PSD2: variants seen among roughly 807,000 people sequenced by gnomAD.
PSD2 encodes pleckstrin and Sec7 domain containing 2.
Under a neutral mutation model 69.8 loss-of-function variants are expected in PSD2, and 38 were observed. That is an observed-to-expected ratio of 0.54 (90% CI 0.42 to 0.71). The LOEUF (loss-of-function observed/expected upper bound fraction) is 0.71, where lower values mean the gene tolerates loss of function less well. PSD2 is among the 30% of genes least tolerant of loss of function. The probability of loss-of-function intolerance (pLI) is 0.00; values close to 1 mark genes in which losing one functional copy is unlikely to be tolerated. For synonymous variants in PSD2, 412 were observed against 423.0 expected (o/e 0.97, Z 0.32); for missense variants, 943 against 1,014.5 (o/e 0.93, Z 0.96).
At chr5:139,841,578 C>G (rs145702744) in intron 14 of PSD2, among the ~76,000 whole-genome samples, 1 of 152,160 alleles carries the variant, frequency 6.6e-6, no homozygotes, top group Admixed American at 6.5e-5. Context: ...TTTAACTTTT[C>G]GATAAACCAC....
rs371092289 is a variant in PSD2 at position 139,805,166 on chromosome 5, C to T, written c.-50-4225C>T. On this transcript the variant is annotated intron_variant, in intron 1 of 14. Coordinates refer to ENST00000274710, the MANE Select transcript of PSD2 (RefSeq NM_032289.4). ...TGCACCCATGCACTTGCCCCTGTGT[C>T]TTATAGAGCATGCTGGCCTCTGGAG... Among the ~76,000 whole-genome samples, 8 of 152,324 alleles carry T rather than the reference C, an allele frequency of 5.3e-5. No homozygotes were observed. In the East Asian group the frequency reaches 1.3e-3, roughly 26 times the overall value.
At chr5:139,779,322 G>A in the PSD2 span, among the ~76,000 whole-genome samples, 2 of 152,098 alleles carry the variant, frequency 1.3e-5, no homozygotes, top group African/African-American at 4.8e-5. Context: ...CAAAAAAGTT[G>A]AACAAATTTT....
At chr5:139,835,908 G>T (rs780783565) in intron 9 of PSD2, 142 bp downstream of exon 9, 6 of 769,344 alleles carry the variant, frequency 7.8e-6, no homozygotes, top group Non-Finnish European at 1.4e-5. Flanking sequence ...TCTAGCTGGC[G>T]CACACCTGGT....
intron 7 of PSD2, among the ~76,000 whole-genome samples, chr5:139,832,947 C>T (rs1447486127): frequency 6.6e-6 from 1 of 152,144 alleles, no homozygotes; most frequent in East Asian, 1.9e-4. Flanking sequence ...CTGTTTCTAC[C>T]TCTGAGTGTG....
chr5:139,794,250 T>C (rs1390797213), upstream of PSD2, among the ~76,000 whole-genome samples: 3 of 152,246 alleles, frequency 2.0e-5, no homozygotes, highest in South Asian at 2.1e-4. Context: ...AAGTGACTTA[T>C]GCTCTCCAAG....
chr5:139,751,365 A>G, the PSD2 span, among the ~76,000 whole-genome samples: 1 of 152,040 alleles, frequency 6.6e-6, no homozygotes, highest in African/African-American at 2.4e-5. Context: ...TTTGGCATCT[A>G]CTGTGTGCTG....
At chr5:139,796,655 C>G (rs1443065389) in intron 1 of PSD2, among the ~76,000 whole-genome samples, 1 of 152,216 alleles carries the variant, frequency 6.6e-6, no homozygotes, top group Non-Finnish European at 1.5e-5. Flanking sequence ...GGGGACAACC[C>G]TGCCCAGCGG....
At chr5:139,819,986 G>A (rs1406007971) in intron 5 of PSD2, among the ~76,000 whole-genome samples, 8 of 152,192 alleles carry the variant, frequency 5.3e-5, no homozygotes, top group Admixed American at 5.2e-4. Flanking sequence ...TGTACTGGTG[G>A]CCTTTGATCT....
chr5:139,824,847 C>T (rs1208259737), intron 7 of PSD2, among the ~76,000 whole-genome samples: 1 of 152,150 alleles, frequency 6.6e-6, no homozygotes, highest in Non-Finnish European at 1.5e-5. Context: ...CCTCCCACGT[C>T]ACTCATCAAG....
At chr5:139,748,180 A>G in the PSD2 span, among the ~76,000 whole-genome samples, 1 of 148,530 alleles carries the variant, frequency 6.7e-6, no homozygotes, top group African/African-American at 2.5e-5. Context: ...GCTGATTCAC[A>G]CTCCCCCGCC....
chr5:139,838,223 G>A (rs1244008865), intron 12 of PSD2, among the ~76,000 whole-genome samples: 1 of 152,206 alleles, frequency 6.6e-6, no homozygotes, highest in Non-Finnish European at 1.5e-5. Context: ...TTGCAAGGAG[G>A]CAGGCTAGTG....
chr5:139,757,954 T>C, the PSD2 span, among the ~76,000 whole-genome samples: 4 of 152,074 alleles, frequency 2.6e-5, no homozygotes, highest in African/African-American at 4.8e-5. Context: ...GGTGGGAGGA[T>C]AGATTAAGCC....
At position 139,813,674 on chromosome 5, in the gene PSD2, G is replaced by C. The variant is rs747011939; in HGVS notation, c.737G>C (p.Gly246Ala). ...CTGTCTCTCATGGCCATGCCCAATG[G>C]ATTCCATGAAGATGGCCCTCAGGGC... ...SRLSLMAMPN[G>A]FHEDGPQGPG... Residue 246 changes from glycine to alanine, a missense_variant, in exon 3 of 15, where the codon GGA becomes GCA. Physicochemically the swap from Gly to Ala is moderately conservative, Grantham distance 60. Around this residue, in one of 3 missense-constraint regions of PSD2, gnomAD observed 466 missense variants for 445.0 expected, o/e 1.05. Transcript: ENST00000274710. 1 of 1,613,930 alleles carries C rather than the reference G, an allele frequency of 6.2e-7. No homozygotes were observed. The highest frequency in any genetic ancestry group is 1.7e-5 in the Admixed American group (1 of 60,010).
chr5:139,814,204 G>A lies in PSD2; in HGVS notation c.856G>A (p.Asp286Asn). 6.2e-7 allele frequency: 1 copy of A among 1,613,822 alleles called. No individual in the cohort carries two copies. Among genetic ancestry groups the A allele is most frequent in the Non-Finnish European group, 8.5e-7 (1 of 1,179,884 alleles). ...PSLKDGLSDS[D>N]SELSSSEGLE... is the part of the protein sequence containing the mutation. Reference sequence around the variant, plus strand: ...CCTGAAGGATGGCCTGTCAGACTCAGACTCTGAGCTCAGCAGCTCGGAGGG... The same window carrying A: ...CCTGAAGGATGGCCTGTCAGACTCAAACTCTGAGCTCAGCAGCTCGGAGGG... The change falls in exon 4 of 15, where the codon GAC becomes AAC. Residue 286 changes from aspartate (D) to asparagine (N), a missense_variant. By Grantham distance (23) the Asp-to-Asn change is conservative. Transcript: ENST00000274710. This position sits in a 1 kb window ranked among gnomAD's most constrained non-coding sequence, Gnocchi z 4.4.
At chr5:139,827,160 A>T (rs1294410354) in intron 7 of PSD2, among the ~76,000 whole-genome samples, 1 of 152,220 alleles carries the variant, frequency 6.6e-6, no homozygotes, top group Non-Finnish European at 1.5e-5. Context: ...TTCCCCACCC[A>T]CACCTCATTG....
chr5:139,804,106 T>A (rs537264623), intron 1 of PSD2, among the ~76,000 whole-genome samples: 2 of 152,214 alleles, frequency 1.3e-5, no homozygotes, highest in Non-Finnish European at 2.9e-5. Context: ...CATGTTTGCA[T>A]TGATCATCTC....
chr5:139,787,370 C>G, the PSD2 span, among the ~76,000 whole-genome samples: 1,020 of 152,362 alleles, frequency 6.7e-3, 13 homozygotes, highest in African/African-American at 0.023. Flanking sequence ...GGCCTGGGCT[C>G]TGCCACTTAC....
At chr5:139,805,559 G>A (rs1759783465) in intron 1 of PSD2, among the ~76,000 whole-genome samples, 1 of 152,166 alleles carries the variant, frequency 6.6e-6, no homozygotes, top group South Asian at 2.1e-4. Flanking sequence ...CATAGAAAAG[G>A]GAGCTTCAGT....
At chr5:139,840,212 T>C in intron 14 of PSD2, 42 bp downstream of exon 14, 1 of 1,606,010 alleles carries the variant, frequency 6.2e-7, no homozygotes, top group Non-Finnish European at 8.5e-7. Context: ...AGTGCCCTGC[T>C]CTTTCTCCTT....
Sources: gnomAD v4.1 joint callset for allele counts (sites outside exome capture counted in the v4.1 genomes callset) on GRCh38, gnomAD v4.1.1 for gene constraint, gnomAD v4.1.1 regional missense constraint, Gnocchi (gnomAD v3.1) non-coding constraint, MANE v1.5 for transcripts, NCBI Gene and HGNC (gene_info 2026-07-23, HGNC 2026-07-21) for gene names.